LMBR1: variants seen among roughly 807,000 people sequenced by gnomAD.
The protein encoded by LMBR1 is limb development membrane protein 1, also known as limb region 1 protein homolog.
A neutral mutation model predicts 73.9 loss-of-function variants in LMBR1; 52 were observed. That is an observed-to-expected ratio of 0.70 (90% CI 0.56 to 0.89). The LOEUF (loss-of-function observed/expected upper bound fraction) is 0.89, where lower values mean the gene tolerates loss of function less well. Among genes scored for constraint, LMBR1 ranks in the 40% least tolerant of loss-of-function variants. The probability of loss-of-function intolerance (pLI) is 0.00; values close to 1 mark genes in which losing one functional copy is unlikely to be tolerated. For missense variants in LMBR1, 539 were observed against 579.8 expected, an observed-to-expected ratio of 0.93 and a Z score of 0.72; for synonymous variants, 215 against 209.4, an observed-to-expected ratio of 1.03 and a Z score of -0.23.
At chr7:156,825,227 A>G (rs1393217865) in intron 4 of LMBR1, among the ~76,000 whole-genome samples, 2 of 152,236 alleles carry the variant, frequency 1.3e-5, no homozygotes, top group African/African-American at 4.8e-5. Flanking sequence ...AAAAACTTTT[A>G]CCTTAAAATG....
At chr7:156,695,322 C>T (rs180740212) in intron 15 of LMBR1, among the ~76,000 whole-genome samples, 7 of 152,202 alleles carry the variant, frequency 4.6e-5, no homozygotes, top group East Asian at 3.9e-4. Context: ...AACAAACAAA[C>T]GGTATTAGTC....
intron 1 of LMBR1, among the ~76,000 whole-genome samples, chr7:156,881,731 A>G (rs1395796340): frequency 6.6e-6 from 1 of 152,176 alleles, no homozygotes; most frequent in Non-Finnish European, 1.5e-5. Context: ...AAAATGCTCA[A>G]TGTCACCAAT....
intron 12 of LMBR1, chr7:156,726,148 A>G: frequency 4.2e-6 from 1 of 239,804 alleles, no homozygotes; most frequent in East Asian, 8.7e-5. Context: ...GAGGAAAAAA[A>G]TCCTGAATAG....
At chr7:156,772,675 C>T (rs1052828085) in intron 5 of LMBR1, among the ~76,000 whole-genome samples, 1 of 152,060 alleles carries the variant, frequency 6.6e-6, no homozygotes, top group Non-Finnish European at 1.5e-5. Context: ...CAGTGAAATC[C>T]TGCATCTACT....
chr7:156,686,547 A>C lies in LMBR1; in HGVS notation c.1387+1483T>G, dbSNP rs10243096. Among the ~76,000 whole-genome samples, 813 of 152,324 alleles carry C rather than the reference A, an allele frequency of 5.3e-3. 9 individuals carry two copies. Among genetic ancestry groups the C allele is most frequent in the African/African-American group, 0.018 (764 of 41,572 alleles). Reference sequence around the variant, plus strand: ...CACACCCCAAAGAATACTGAAAAACACTGGGGAAGAAAAGTAAATGTATCT... The same window carrying C: ...CACACCCCAAAGAATACTGAAAAACCCTGGGGAAGAAAAGTAAATGTATCT... On this transcript the variant is annotated intron_variant, in intron 16 of 16. Coordinates refer to ENST00000353442, the MANE Select transcript of LMBR1 (RefSeq NM_022458.4).
In LMBR1 at chr7:156,669,471, C is replaced by A. The variant is rs928423825; in HGVS notation, n.867-184G>T. Among the ~76,000 whole-genome samples the A allele has an allele frequency of 3.9e-5, 6 of 152,124 alleles. No homozygotes were observed. Among genetic ancestry groups the A allele is most frequent in the African/African-American group, 1.4e-4 (6 of 41,428 alleles). On this transcript the variant is annotated intron_variant and non_coding_transcript_variant, in intron 4 of 4. Coordinates refer to the LMBR1 transcript ENST00000430825. This position sits in a 1 kb window ranked among gnomAD's most constrained non-coding sequence, Gnocchi z 4.2. ...GGAGGAACCGTGCCGTTCCCTGGAA[C>A]CTCTGTCCAGGCAGAGGGCAGCACG...
rs113066596 is a variant in LMBR1 at position 156,757,617 on chromosome 7, G to C, written c.685-1152C>G. Among the ~76,000 whole-genome samples, 1,145 of 152,308 alleles carry C rather than the reference G, an allele frequency of 7.5e-3. 15 individuals are homozygous for C. The highest frequency in any genetic ancestry group is 0.026 in the African/African-American group (1,078 of 41,572). On this transcript the variant is annotated intron_variant, in intron 8 of 16. Coordinates refer to ENST00000353442, the MANE Select transcript of LMBR1 (RefSeq NM_022458.4). Reference sequence around the variant, plus strand: ...TCAAAGAAGTCTAGAGCTGATATCAGTGTTCCATATCCTCACATCCAAACT... The same window carrying C: ...TCAAAGAAGTCTAGAGCTGATATCACTGTTCCATATCCTCACATCCAAACT...
At chr7:156,748,558 G>A (rs781120359) in intron 9 of LMBR1, among the ~76,000 whole-genome samples, 2 of 151,980 alleles carry the variant, frequency 1.3e-5, no homozygotes, top group Admixed American at 6.6e-5. Context: ...GCATGATCTC[G>A]GCTCATTGCG....
At chr7:156,829,336 C>T (rs1836256844) in intron 3 of LMBR1, among the ~76,000 whole-genome samples, 1 of 152,204 alleles carries the variant, frequency 6.6e-6, no homozygotes, top group African/African-American at 2.4e-5. Flanking sequence ...TGTGATCCCC[C>T]AGTGTTGGAG....
At position 156,756,418 on chromosome 7, in the gene LMBR1, T is replaced by G; in HGVS notation, c.732A>C (p.Glu244Asp). The change falls in exon 9 of 17, where the codon GAA becomes GAC. Residue 244 changes from glutamate (E) to aspartate (D), a missense_variant. By Grantham distance (45) the Glu-to-Asp change is conservative. Transcript: ENST00000353442. ...CATTTAGTCGTCTCTGGAGTGCTTC[T>G]TCCTCTAAGGTAATGATATAAATTT... ...DEQIYIITLEEEALQRRLNGL... is the reference protein window; with the variant it reads ...DEQIYIITLEDEALQRRLNGL... The G allele has an allele frequency of 1.3e-6, 2 of 1,502,468 alleles. No homozygotes were observed. Among genetic ancestry groups the G allele is most frequent in the Non-Finnish European group, 1.8e-6 (2 of 1,086,200 alleles). The allele number at this position is 1,502,468 out of a possible 1,614,324, so 93.1% of individuals were successfully genotyped here.
At chr7:156,862,860 T>C (rs1448185259) in intron 1 of LMBR1, among the ~76,000 whole-genome samples, 1 of 152,226 alleles carries the variant, frequency 6.6e-6, no homozygotes, top group Non-Finnish European at 1.5e-5. Flanking sequence ...TTTGGACTCA[T>C]ATTCAAACAT....
chr7:156,689,887 A>G (rs1806804108), intron 15 of LMBR1, among the ~76,000 whole-genome samples: 1 of 152,224 alleles, frequency 6.6e-6, no homozygotes, highest in African/African-American at 2.4e-5. Flanking sequence ...TTAGCCTAGG[A>G]AGTGATCTTT....
At chr7:156,693,559 C>A (rs567986904) in intron 15 of LMBR1, among the ~76,000 whole-genome samples, 155 of 152,142 alleles carry the variant, frequency 1.0e-3, no homozygotes, top group African/African-American at 3.5e-3. Flanking sequence ...CAGATAAATT[C>A]CTAGAAACAT....
chr7:156,849,576 T>C (rs183634408), intron 1 of LMBR1, among the ~76,000 whole-genome samples: 276 of 152,236 alleles, frequency 1.8e-3, no homozygotes, highest in African/African-American at 6.3e-3. Flanking sequence ...AGAAGTCAAT[T>C]TGAAATGGCA....
intron 4 of LMBR1, among the ~76,000 whole-genome samples, chr7:156,811,619 A>AG (rs1392019024): frequency 4.6e-5 from 7 of 152,172 alleles, no homozygotes; most frequent in Non-Finnish European, 7.4e-5. Flanking sequence ...AAAAAAAAAA[A>AG]AGAATTGTTT....
intron 15 of LMBR1, among the ~76,000 whole-genome samples, chr7:156,697,982 C>A (rs1808700243): frequency 6.6e-6 from 1 of 152,182 alleles, no homozygotes; most frequent in Non-Finnish European, 1.5e-5. Context: ...TCCAGCCAGT[C>A]CCTCCATTCG....
intron 5 of LMBR1, among the ~76,000 whole-genome samples, chr7:156,786,600 G>A (rs1828152740): frequency 6.6e-6 from 1 of 152,172 alleles, no homozygotes; most frequent in African/African-American, 2.4e-5. Context: ...TTGAAGGAAT[G>A]ATAACACTTG....
chr7:156,678,958 A>G lies in LMBR1; in HGVS notation c.*5120T>C, dbSNP rs1449695431. The G allele has an allele frequency of 1.3e-5, 2 of 152,230 alleles. No individual in the cohort carries two copies. The highest frequency in any genetic ancestry group is 4.8e-5 in the African/African-American group (2 of 41,456). 9.4% of individuals were successfully genotyped at this position (152,230 alleles called of 1,614,324 possible). A position where few individuals can be genotyped will look rare whatever the true frequency, so the allele number is the denominator to read the frequency against. The stretch of plus-strand genomic sequence containing the variant: ...TTGATAAGAATAAAGGTTATAATCT[A>G]GAATGAGGATACCTGTCATGAATCT... On this transcript the variant is annotated 3_prime_UTR_variant, in exon 17 of 17. Coordinates refer to ENST00000353442, the MANE Select transcript of LMBR1 (RefSeq NM_022458.4).
chr7:156,695,364 G>C (rs1808063684), intron 15 of LMBR1, among the ~76,000 whole-genome samples: 1 of 152,198 alleles, frequency 6.6e-6, no homozygotes, highest in Non-Finnish European at 1.5e-5. Context: ...AAATACTTCA[G>C]ACTGGGTAAT....
Sources: gnomAD v4.1 joint callset for allele counts (sites outside exome capture counted in the v4.1 genomes callset) on GRCh38, gnomAD v4.1.1 for gene constraint, Gnocchi (gnomAD v3.1) non-coding constraint, MANE v1.5 for transcripts, NCBI Gene and HGNC (gene_info 2026-07-23, HGNC 2026-07-21) for gene names.